Variants in TNRC6B observed in about 807,000 individuals in gnomAD.
The protein encoded by TNRC6B is trinucleotide repeat containing adaptor 6B.
Under a neutral mutation model 203.6 loss-of-function variants are expected in TNRC6B, and 52 were observed. That is an observed-to-expected ratio of 0.26 (90% CI 0.20 to 0.32). The LOEUF (loss-of-function observed/expected upper bound fraction) is 0.32, where lower values mean the gene tolerates loss of function less well. Ranked by LOEUF, TNRC6B falls within the 10% of genes least tolerant of loss-of-function variation. The pLI, the probability that TNRC6B is intolerant of heterozygous loss-of-function variation, is 1.00. For synonymous variants in TNRC6B, 838 were observed against 845.7 expected, an observed-to-expected ratio of 0.99 and a Z score of 0.16; for missense variants, 1,923 against 2,286.2, an observed-to-expected ratio of 0.84 and a Z score of 3.24.
chr22:40,127,660 T>G (rs1003080814), intron 3 of TNRC6B, among the ~76,000 whole-genome samples: 2 of 152,116 alleles, frequency 1.3e-5, no homozygotes, highest in African/African-American at 4.8e-5. Flanking sequence ...TTGCTTGAGC[T>G]CAAGACTTCG....
intron 1 of TNRC6B, chr22:40,106,653 ACT>A (rs2146309412): frequency 2.7e-6 from 2 of 747,586 alleles, no homozygotes; most frequent in South Asian, 2.7e-5. Flanking sequence ...GCAATATATG[ACT>A]CTACAATCCT....
intron 3 of TNRC6B, among the ~76,000 whole-genome samples, chr22:40,146,176 A>C (rs777518446): frequency 1.3e-5 from 2 of 152,298 alleles, no homozygotes; most frequent in Non-Finnish European, 2.9e-5. Context: ...AAGACATTCA[A>C]AGTCTCTGCC....
intron 1 of TNRC6B, among the ~76,000 whole-genome samples, chr22:40,203,376 TC>T (rs2069438577): frequency 6.6e-6 from 1 of 152,070 alleles, no homozygotes; most frequent in South Asian, 2.1e-4. Flanking sequence ...CATTTGCCCT[TC>T]CGTAACAAAA....
At chr22:40,243,702 C>A (rs143521471) in intron 1 of TNRC6B, among the ~76,000 whole-genome samples, 1 of 151,894 alleles carries the variant, frequency 6.6e-6, no homozygotes, top group Non-Finnish European at 1.5e-5. Context: ...TTCCCGCCTC[C>A]GCCTCCCAAG....
chr22:40,215,980 T>G (rs927035360), intron 1 of TNRC6B, among the ~76,000 whole-genome samples: 4 of 152,212 alleles, frequency 2.6e-5, no homozygotes, highest in African/African-American at 4.8e-5. Context: ...TGCTCTCAGG[T>G]AAAAGAAGAA....
chr22:40,168,217 G>A (rs2068938679), intron 4 of TNRC6B, among the ~76,000 whole-genome samples: 1 of 152,158 alleles, frequency 6.6e-6, no homozygotes, highest in Non-Finnish European at 1.5e-5. Context: ...TAGGTTCATA[G>A]TATTCATCCA....
chr22:40,262,977 T>G (rs897249089), intron 4 of TNRC6B, among the ~76,000 whole-genome samples: 7 of 151,544 alleles, frequency 4.6e-5, no homozygotes, highest in Non-Finnish European at 1.0e-4. Flanking sequence ...GAGGCGGAGC[T>G]TGCAGTGAGC....
In TNRC6B at chr22:40,323,436, G is replaced by T; in HGVS notation, c.*195G>T. ...CCTCCCTTATAACTTCAGTTTTTTC[G>T]TTTGGAATATGAATCCAAAAAGAGA... On this transcript the variant is annotated 3_prime_UTR_variant, in exon 23 of 23. Coordinates refer to ENST00000454349, the MANE Select transcript of TNRC6B (RefSeq NM_001162501.2). The T allele has an allele frequency of 1.7e-6, 1 of 588,110 alleles. No individual in the cohort carries two copies. The highest frequency in any genetic ancestry group is 3.3e-5 in the East Asian group (1 of 30,120). 36.4% of individuals were successfully genotyped at this position (588,110 alleles called of 1,614,324 possible). A position where few individuals can be genotyped will look rare whatever the true frequency, so the allele number is the denominator to read the frequency against.
At chr22:40,296,877 G>A (rs1167483725) in intron 12 of TNRC6B, among the ~76,000 whole-genome samples, 3 of 152,116 alleles carry the variant, frequency 2.0e-5, no homozygotes, top group Non-Finnish European at 2.9e-5. Context: ...ATCTCCGCCC[G>A]ACTTGGCCTC....
chr22:40,333,010 T>C lies in TNRC6B; in HGVS notation c.*9769T>C, dbSNP rs1415089544. 6.6e-6 allele frequency: 1 copy of C among 152,212 alleles called. No homozygotes were observed. Among genetic ancestry groups the C allele is most frequent in the Admixed American group, 6.6e-5 (1 of 15,256 alleles). The allele number at this position is 152,212 out of a possible 1,614,324, so 9.4% of individuals were successfully genotyped here. ...TTGCATTTGTGTTGGAGGGGTGTTA[T>C]CTCCATTGCCTCCCACACAGTGACA... On this transcript the variant is annotated 3_prime_UTR_variant, in exon 23 of 23. Transcript: ENST00000454349.
chr22:40,204,675 G>T (rs1296993143), intron 1 of TNRC6B, among the ~76,000 whole-genome samples: 1 of 152,202 alleles, frequency 6.6e-6, no homozygotes, highest in Non-Finnish European at 1.5e-5. Context: ...TGGCCTCCTT[G>T]ATGCTCTTCT....
intron 1 of TNRC6B, among the ~76,000 whole-genome samples, chr22:40,099,875 C>A (rs1052214059): frequency 6.6e-6 from 1 of 151,516 alleles, no homozygotes; most frequent in Non-Finnish European, 1.5e-5. Context: ...CTCAGCCTCC[C>A]GAGTAGCTGG....
In TNRC6B at chr22:40,130,528, T is replaced by C. The variant is rs538812043; in HGVS notation, c.45+4666T>C. The stretch of plus-strand genomic sequence containing the variant: ...CGGGCGCGGTGGCTCACGCCTGTAA[T>C]CCCAGCACTTTGGGAGGCCGAGGCG... On this transcript the variant is annotated intron_variant, in intron 3 of 23. Transcript: ENST00000301923. Among the ~76,000 whole-genome samples the C allele has an allele frequency of 3.5e-3, 527 of 152,014 alleles. 2 individuals are homozygous for C. Among genetic ancestry groups the C allele is most frequent in the African/African-American group, 0.012 (504 of 41,438 alleles).
chr22:40,275,162 A>G (rs1378831120), intron 7 of TNRC6B, among the ~76,000 whole-genome samples: 1 of 152,236 alleles, frequency 6.6e-6, no homozygotes, highest in Non-Finnish European at 1.5e-5. Context: ...GTTTTGCTTA[A>G]GCAGTCACTT....
intron 4 of TNRC6B, among the ~76,000 whole-genome samples, chr22:40,160,605 A>G (rs1195381964): frequency 3.3e-5 from 5 of 152,176 alleles, no homozygotes; most frequent in Non-Finnish European, 7.3e-5. Flanking sequence ...TTGACAGGCT[A>G]GACAACACAG....
At chr22:40,184,400 C>T (rs2069175214) in intron 1 of TNRC6B, among the ~76,000 whole-genome samples, 1 of 152,130 alleles carries the variant, frequency 6.6e-6, no homozygotes, top group African/African-American at 2.4e-5. Context: ...ATAGAGAGTA[C>T]TTTGACATGG....
At chr22:40,121,094 A>G (rs987849373) in intron 2 of TNRC6B, among the ~76,000 whole-genome samples, 1 of 152,158 alleles carries the variant, frequency 6.6e-6, no homozygotes, top group Non-Finnish European at 1.5e-5. Context: ...TGTGGAAGGA[A>G]GCATCAGGAG....
intron 2 of TNRC6B, among the ~76,000 whole-genome samples, chr22:40,122,287 C>A (rs1384500446): frequency 6.6e-6 from 1 of 152,122 alleles, no homozygotes; most frequent in Non-Finnish European, 1.5e-5. Flanking sequence ...GTTTCTCTGA[C>A]TAATAAAGCG....
In TNRC6B at chr22:40,301,345, G is replaced by A. The variant is rs1183391534; in HGVS notation, c.4120+12G>A. 1.2e-6 allele frequency: 2 copies of A among 1,602,094 alleles called. No homozygotes were observed. The highest frequency in any genetic ancestry group is 1.7e-6 in the Non-Finnish European group (2 of 1,173,484). ...TGGATATGGTTCTGGTAAGTTGTTG[G>A]TAGAGAAAATTACCTTTTTAGAAAT... On this transcript the variant is annotated intron_variant, in intron 15 of 22. Transcript: ENST00000454349.
Sources: allele counts gnomAD v4.1 joint callset (sites outside exome capture counted in the v4.1 genomes callset), GRCh38; gene constraint gnomAD v4.1.1; transcripts MANE v1.5; gene names NCBI Gene and HGNC (gene_info 2026-07-23, HGNC 2026-07-21).